The following TMEM198 variants were observed in gnomAD, a reference collection of about 807,000 sequenced individuals.
TMEM198 encodes the protein transmembrane protein 198.
Under a neutral mutation model 31.5 loss-of-function variants are expected in TMEM198, and 21 were observed. That is an observed-to-expected ratio of 0.67 (90% CI 0.47 to 0.96). The LOEUF (loss-of-function observed/expected upper bound fraction) is 0.96, where lower values mean the gene tolerates loss of function less well. Ranked by LOEUF, TMEM198 falls within the 40% of genes least tolerant of loss-of-function variation. The pLI, the probability that TMEM198 is intolerant of heterozygous loss-of-function variation, is 0.00. For missense variants in TMEM198, 447 were observed against 499.4 expected (o/e 0.89, Z 1.00); for synonymous variants, 211 against 223.3 (o/e 0.95, Z 0.49).
upstream of TMEM198, chr2:219,543,807 T>C: frequency 6.7e-6 from 3 of 446,496 alleles, no homozygotes; most frequent in Admixed American, 4.0e-5. Flanking sequence ...GACGTGTCAC[T>C]GCAAGGGCCC....
upstream of TMEM198, chr2:219,544,006 T>C (rs768217641): frequency 1.0e-4 from 37 of 355,786 alleles, no homozygotes; most frequent in Non-Finnish European, 1.3e-4. Context: ...CGCCCCTGCC[T>C]GGATGGTGCG....
At position 219,547,772 on chromosome 2, in the gene TMEM198, T is replaced by C; in HGVS notation, c.433T>C (p.Ser145Pro). The C allele has an allele frequency of 6.3e-7, 1 of 1,593,986 alleles. No individual in the cohort carries two copies. Among genetic ancestry groups the C allele is most frequent in the Non-Finnish European group, 8.5e-7 (1 of 1,176,638 alleles). ...LGSAPYYQPGSVWGPLGLLLG... is the reference protein window; with the variant it reads ...LGSAPYYQPGPVWGPLGLLLG... ...CTCCGCACCCTACTACCAGCCAGGC[T>C]CCGTGTGGGGTCCACTGGGGCTGTT... Residue 145 changes from serine (S) to proline (P), a missense_variant, in exon 3 of 5, where the codon TCC becomes CCC. By Grantham distance (74) the Ser-to-Pro change is moderately conservative (BLOSUM62 -1). Transcript: ENST00000373883.
rs1479279477 is a variant in TMEM198, at chr2:219,547,916, G to A, written c.577G>A (p.Glu193Lys). 4.4e-6 allele frequency: 7 copies of A among 1,596,208 alleles called. No homozygotes were observed. The highest frequency in any genetic ancestry group is 4.2e-6 in the Non-Finnish European group (5 of 1,178,088). ...LIATAADYFAELLLLGRYVVE... is the reference protein window; with the variant it reads ...LIATAADYFAKLLLLGRYVVE... ...CGCCACTGCCGCTGACTACTTCGCC[G>A]AGCTGCTACTGCTGGGGCGCTACGT... Residue 193 changes from glutamate to lysine, a missense_variant, in exon 3 of 5, where the codon GAG (glutamate) becomes AAG (lysine). Coordinates refer to ENST00000373883, the MANE Select transcript of TMEM198 (RefSeq NM_001005209.3).
intron 4 of TMEM198, 50 bp downstream of exon 4, chr2:219,549,404 T>C (rs1695484356): frequency 6.3e-7 from 1 of 1,577,684 alleles, no homozygotes; most frequent in Non-Finnish European, 8.6e-7. Flanking sequence ...GTGTGGAAAC[T>C]CTTTCCAAAC....
In TMEM198 at chr2:219,544,251, C is replaced by T; in HGVS notation, c.-166C>T. On this transcript the variant is annotated 5_prime_UTR_variant, in exon 1 of 5. Coordinates refer to ENST00000373883, the MANE Select transcript of TMEM198 (RefSeq NM_001005209.3). ...CACCATTCTCTCCGGCCCAGCAGCC[C>T]CCTTCCTCGCACGACGGACTTTCCC... The T allele has an allele frequency of 2.1e-6, 1 of 467,826 alleles. No individual in the cohort carries two copies. The highest frequency in any genetic ancestry group is 1.5e-5 in the South Asian group (1 of 64,580). 29.0% of individuals were successfully genotyped at this position (467,826 alleles called of 1,614,324 possible). A position where few individuals can be genotyped will look rare whatever the true frequency, so the allele number is the denominator to read the frequency against.
At position 219,547,808 on chromosome 2, in the gene TMEM198, G is replaced by A. The variant is rs546601557; in HGVS notation, c.469G>A (p.Gly157Ser). The part of the protein sequence containing the change: ...WGPLGLLLGG[G>S]LLCALLTLRW... ...TCCACTGGGGCTGTTGCTGGGGGGC[G>A]GCCTGCTCTGTGCCCTGCTCACTCT... Residue 157 changes from glycine to serine, a missense_variant, in exon 3 of 5, where the codon GGC becomes AGC. Physicochemically the swap from Gly to Ser is moderately conservative, Grantham distance 56 (BLOSUM62 0). Transcript: ENST00000373883. 10 of 1,591,730 alleles carry A rather than the reference G, an allele frequency of 6.3e-6. No individual in the cohort carries two copies. The highest frequency in any genetic ancestry group is 1.8e-4 in the Middle Eastern group (1 of 5,474).
intron 2 of TMEM198, among the ~76,000 whole-genome samples, chr2:219,546,417 C>A (rs1356995938): frequency 2.6e-5 from 4 of 152,236 alleles, no homozygotes; most frequent in African/African-American, 7.2e-5. Flanking sequence ...CTCTCACCTC[C>A]AGTTATGTCA....
At chr2:219,544,927 C>T in intron 2 of TMEM198, 34 bp downstream of exon 2, 1 of 1,601,676 alleles carries the variant, frequency 6.2e-7, no homozygotes, top group Non-Finnish European at 8.5e-7. Flanking sequence ...ACCTGGGCTC[C>T]CCAGTGTTTC....
Position 219,547,908 on chromosome 2 carries a change from A to G in TMEM198, c.569A>G (p.Tyr190Cys). The change falls in exon 3 of 5, where the codon TAC becomes TGC. Residue 190 changes from tyrosine to cysteine, a missense_variant. Transcript: ENST00000373883. ...GAALIATAAD[Y>C]FAELLLLGRY... is the part of the protein sequence containing the mutation. ...GCGCTGATCGCCACTGCCGCTGACT[A>G]CTTCGCCGAGCTGCTACTGCTGGGG... 1.3e-6 allele frequency: 2 copies of G among 1,596,182 alleles called. No individual in the cohort carries two copies. Among genetic ancestry groups the G allele is most frequent in the East Asian group, 2.2e-5 (1 of 44,696 alleles).
At chr2:219,545,009 T>C in intron 2 of TMEM198, 116 bp downstream of exon 2, 1 of 1,287,478 alleles carries the variant, frequency 7.8e-7, no homozygotes, top group Admixed American at 2.5e-5. Flanking sequence ...CTTCCTTTTC[T>C]TTCATCCCAC....
At chr2:219,545,425 G>C (rs1175776933) in intron 2 of TMEM198, among the ~76,000 whole-genome samples, 1 of 152,220 alleles carries the variant, frequency 6.6e-6, no homozygotes, top group Admixed American at 6.5e-5. Flanking sequence ...CTACAAGGCA[G>C]GCTCCGGTAA....
chr2:219,549,571 A>AT lies in TMEM198; in HGVS notation c.946-145dup. The AT allele has an allele frequency of 1.1e-5, 15 of 1,326,486 alleles. No individual in the cohort carries two copies. The South Asian group carries it at 2.2e-4, about 19-fold the overall frequency. The allele number at this position is 1,326,486 out of a possible 1,614,324, so 82.2% of individuals were successfully genotyped here. ...TTCCTGAGTATGGGTTTTAAGTGGG[A>AT]TATGGTATGTGGTGGGGTCTCAGGG... On this transcript the variant is annotated intron_variant, in intron 4 of 4. Transcript: ENST00000373883.
rs62191584 is a variant in TMEM198, at chr2:219,550,048, G to A, written c.*194G>A. 2.4e-3 allele frequency: 1,694 copies of A among 705,842 alleles called. 3 individuals are homozygous for A. The highest frequency in any genetic ancestry group is 3.5e-3 in the Non-Finnish European group (1,522 of 440,956). 43.7% of individuals were successfully genotyped at this position (705,842 alleles called of 1,614,324 possible). ...AAAGCCCCCTCCCAAGCTCCCAAGAGGCTCCTGAGGAACTCGGGGTGTGAA... is the reference window on the plus strand; with the variant it reads ...AAAGCCCCCTCCCAAGCTCCCAAGAAGCTCCTGAGGAACTCGGGGTGTGAA... On this transcript the variant is annotated 3_prime_UTR_variant, in exon 5 of 5. Coordinates refer to ENST00000373883, the MANE Select transcript of TMEM198 (RefSeq NM_001005209.3).
Position 219,549,989 on chromosome 2 carries a change from G to C in TMEM198, c.*135G>C. The C allele has an allele frequency of 8.2e-7, 1 of 1,225,786 alleles. No individual in the cohort carries two copies. Among genetic ancestry groups the C allele is most frequent in the Non-Finnish European group, 1.1e-6 (1 of 889,460 alleles). 75.9% of individuals were successfully genotyped at this position (1,225,786 alleles called of 1,614,324 possible). ...GAGGGCTGGCCTGGTCACTAGAAGG[G>C]AGGATTGTCTCAGGCGAGTCTTGGC... On this transcript the variant is annotated 3_prime_UTR_variant, in exon 5 of 5. Transcript: ENST00000373883.
chr2:219,544,674 C>A lies in TMEM198; in HGVS notation c.-39-15C>A. 1 of 1,595,402 alleles carries A rather than the reference C, an allele frequency of 6.3e-7. No individual in the cohort carries two copies. The highest frequency in any genetic ancestry group is 1.7e-5 in the Admixed American group (1 of 59,798). On this transcript the variant is annotated splice_polypyrimidine_tract_variant and intron_variant, in intron 1 of 4. Transcript: ENST00000373883. The stretch of plus-strand genomic sequence containing the variant: ...ACCCAGGACTCCTCCGTGACCCCAA[C>A]TTTCCCTCTGTCAGGTTAACTTGGG...
At chr2:219,548,702 A>G (rs1040736281) in intron 3 of TMEM198, among the ~76,000 whole-genome samples, 1 of 152,200 alleles carries the variant, frequency 6.6e-6, no homozygotes, top group Non-Finnish European at 1.5e-5. Flanking sequence ...ACATTTTATT[A>G]GAAGGGCAAT....
chr2:219,543,995 C>G, upstream of TMEM198: 1 of 353,444 alleles, frequency 2.8e-6, no homozygotes, highest in South Asian at 2.1e-5. Context: ...CAGAAGCAGC[C>G]CGCCCCTGCC....
chr2:219,544,400 T>C lies in TMEM198; in HGVS notation c.-40+23T>C, dbSNP rs770184955. The C allele has an allele frequency of 1.3e-5, 7 of 518,848 alleles. No individual in the cohort carries two copies. In the East Asian group the frequency reaches 2.5e-4, roughly 18 times the overall value. 32.1% of individuals were successfully genotyped at this position (518,848 alleles called of 1,614,324 possible). On this transcript the variant is annotated intron_variant, in intron 1 of 4. Transcript: ENST00000373883. ...CAGGTAAATCTTGGACAATCCCATA[T>C]TGAGCCGCCCACAGATGAATCTCTT...
chr2:219,546,778 C>CTTTTTTTTTTTTT (rs397987890), intron 2 of TMEM198, among the ~76,000 whole-genome samples: 106 of 127,250 alleles, frequency 8.3e-4, no homozygotes, highest in African/African-American at 2.9e-3. Context: ...TCTCAAGTTT[C>CTTTTTTTTTTTTT]TTTTTTTTTT....
Sources: allele counts gnomAD v4.1 joint callset (sites outside exome capture counted in the v4.1 genomes callset), GRCh38; gene constraint gnomAD v4.1.1; transcripts MANE v1.5; gene names NCBI Gene and HGNC (gene_info 2026-07-23, HGNC 2026-07-21).